Variants in SKOR1 observed in about 807,000 individuals in gnomAD.
SKOR1 encodes SKI family transcriptional corepressor 1.
Under a neutral mutation model 72.4 loss-of-function variants are expected in SKOR1, and 38 were observed. The observed-to-expected ratio is 0.52, with a 90% CI of 0.40 to 0.69. SKOR1 has a LOEUF of 0.69. Ranked by LOEUF, SKOR1 falls within the 30% of genes least tolerant of loss-of-function variation. The probability of loss-of-function intolerance (pLI) is 0.00; values close to 1 mark genes in which losing one functional copy is unlikely to be tolerated. For missense variants in SKOR1, 1,320 were observed against 1,343.2 expected (o/e 0.98, Z 0.27); for synonymous variants, 642 against 599.4 (o/e 1.07, Z -1.04).
chr15:67,832,688 C>T lies in SKOR1; in HGVS notation c.2737+7C>T, dbSNP rs764789290. On this transcript the variant is annotated splice_region_variant and intron_variant, in intron 7 of 8. Coordinates refer to ENST00000380035, the MANE Select transcript of SKOR1 (RefSeq NM_001365915.1). The surrounding 1 kb of genome is among the most constrained non-coding windows in gnomAD (Gnocchi z 4.5). ...CAGCTGCAAATTGTCAGAGGTAAGA[C>T]GGGAGTCAGGTGAGCTCGTGCACGG... The T allele has an allele frequency of 1.2e-6, 2 of 1,613,464 alleles. No homozygotes were observed. The highest frequency in any genetic ancestry group is 1.7e-6 in the Non-Finnish European group (2 of 1,179,612).
Position 67,833,139 on chromosome 15 carries a change from C to T in SKOR1, c.2738-53C>T. The T allele has an allele frequency of 6.3e-7, 1 of 1,595,408 alleles. No individual in the cohort carries two copies. The highest frequency in any genetic ancestry group is 8.6e-7 in the Non-Finnish European group (1 of 1,164,116). ...GAGGAAGCCCGGGCTGTGACCCCGG[C>T]CTTTCGGAGGGTGGTCTGCGTTTCC... On this transcript the variant is annotated intron_variant, in intron 7 of 8. Transcript: ENST00000380035. This position sits in a 1 kb window ranked among gnomAD's most constrained non-coding sequence, Gnocchi z 6.0.
At position 67,826,170 on chromosome 15, in the gene SKOR1, T is replaced by C. The variant is rs754817325; in HGVS notation, c.342T>C (p.Asn114=). The C allele has an allele frequency of 6.2e-7, 1 of 1,613,210 alleles. No homozygotes were observed. The highest frequency in any genetic ancestry group is 1.1e-5 in the South Asian group (1 of 91,028). ...SNTLLKNYSY[N]EIHNRRVALG... ...CCCTCCTCAAGAACTACAGCTATAA[T>C]GAGATCCACAACCGCCGCGTGGCCC... Residue 114 remains asparagine (N), a synonymous_variant, in exon 2 of 9, where the codon AAT becomes AAC. Coordinates refer to ENST00000380035, the MANE Select transcript of SKOR1 (RefSeq NM_001365915.1).
Position 67,833,868 on chromosome 15 carries a change from G to A in SKOR1, c.*32G>A, listed in dbSNP as rs201057372. The A allele has an allele frequency of 6.3e-7, 1 of 1,593,278 alleles. No individual in the cohort carries two copies. Among genetic ancestry groups the A allele is most frequent in the Non-Finnish European group, 8.5e-7 (1 of 1,170,472 alleles). On this transcript the variant is annotated 3_prime_UTR_variant, in exon 9 of 9. Transcript: ENST00000380035. The surrounding 1 kb of genome is among the most constrained non-coding windows in gnomAD (Gnocchi z 6.0). ...CCTGGCCGCACCCCTGCGCCCTCAA[G>A]CCATGCTGCTCCTTGTAAATACCCG...
rs2091013696 is a variant in SKOR1 at position 67,832,228 on chromosome 15, C to A, written c.2588-46C>A. 6.3e-7 allele frequency: 1 copy of A among 1,587,880 alleles called. No homozygotes were observed. The highest frequency in any genetic ancestry group is 2.2e-5 in the East Asian group (1 of 44,796). Reference sequence around the variant, plus strand: ...AAGGCAGAACCTGAGCTCCAAATAACCCTGCTTTACCTCCCACTTTACCTC... The same window carrying A: ...AAGGCAGAACCTGAGCTCCAAATAAACCTGCTTTACCTCCCACTTTACCTC... On this transcript the variant is annotated intron_variant, in intron 5 of 8. Coordinates refer to ENST00000380035, the MANE Select transcript of SKOR1 (RefSeq NM_001365915.1). This position sits in a 1 kb window ranked among gnomAD's most constrained non-coding sequence, Gnocchi z 4.5.
Position 67,833,784 on chromosome 15 carries a change from C to T in SKOR1, c.2846C>T (p.Thr949Met), listed in dbSNP as rs2091026801. The T allele has an allele frequency of 3.1e-6, 5 of 1,613,100 alleles. No individual in the cohort carries two copies. The highest frequency in any genetic ancestry group is 2.2e-5 in the South Asian group (2 of 91,096). The change falls in exon 9 of 9, where the codon ACG (threonine) becomes ATG (methionine). Residue 949 changes from threonine to methionine, a missense_variant. Physicochemically the swap from Thr to Met is moderately conservative, Grantham distance 81. Around this residue, in one of 3 missense-constraint regions of SKOR1, gnomAD observed 1,099 missense variants for 1,025.5 expected, o/e 1.07. Transcript: ENST00000380035. This position sits in a 1 kb window ranked among gnomAD's most constrained non-coding sequence, Gnocchi z 6.0. ...ALHHFSCKML[T>M]PRHCTGNCSF... ...CACCATTTCTCCTGCAAGATGCTGA[C>T]GCCCCGCCACTGCACTGGCAACTGC...
chr15:67,829,134 C>A, intron 2 of SKOR1, 45 bp from the exon 3 acceptor site: 1 of 1,486,788 alleles, frequency 6.7e-7, no homozygotes. Flanking sequence ...TTTGGGCCGC[C>A]GCAGGGCGCC....
At chr15:67,829,736 T>C (rs1169231581) in intron 3 of SKOR1, among the ~76,000 whole-genome samples, 1 of 152,128 alleles carries the variant, frequency 6.6e-6, no homozygotes, top group Non-Finnish European at 1.5e-5. Flanking sequence ...CCTTACCAGG[T>C]TCCTCACAGA....
Position 67,826,807 on chromosome 15 carries a change from C to T in SKOR1, c.979C>T (p.Arg327Cys). The T allele has an allele frequency of 6.5e-7, 1 of 1,530,496 alleles. No individual in the cohort carries two copies. Among genetic ancestry groups the T allele is most frequent in the Non-Finnish European group, 8.8e-7 (1 of 1,142,072 alleles). 94.8% of individuals were successfully genotyped at this position (1,530,496 alleles called of 1,614,324 possible). Residue 327 changes from arginine to cysteine, a missense_variant, in exon 2 of 9, where the codon CGC becomes TGC. Physicochemically the swap from Arg to Cys is radical, Grantham distance 180 (BLOSUM62 -3). Coordinates refer to ENST00000380035, the MANE Select transcript of SKOR1 (RefSeq NM_001365915.1). ...APGPPPHKSL[R>C]CGEDEAAGPP... is the part of the protein sequence containing the mutation. ...AGGCCCGCCGCCCCACAAAAGCCTG[C>T]GCTGTGGCGAAGATGAGGCTGCCGG... is the stretch of plus-strand genomic sequence containing the variant.
chr15:67,829,686 G>T (rs2090993157), intron 3 of SKOR1, among the ~76,000 whole-genome samples: 2 of 152,226 alleles, frequency 1.3e-5, no homozygotes, highest in South Asian at 4.1e-4. Flanking sequence ...GGTAGCTGAG[G>T]CCCATCGCGG....
chr15:67,830,395 C>T, intron 4 of SKOR1, 97 bp downstream of exon 4: 1 of 1,001,458 alleles, frequency 1.0e-6, no homozygotes, highest in Non-Finnish European at 1.5e-6. Context: ...GGCTTTTAAT[C>T]AAGTGTAAGC....
At chr15:67,828,197 G>T (rs993576867) in intron 2 of SKOR1, 53 bp downstream of exon 2, 33 of 1,380,050 alleles carry the variant, frequency 2.4e-5, no homozygotes, top group African/African-American at 7.7e-5. Context: ...CCCTGTGCGC[G>T]GCAGGGCTGC....
rs551965323 is a variant in SKOR1 at position 67,825,967 on chromosome 15, C to G, written c.139C>G (p.Leu47Val). ...CGGCATGGAGGCTCTCACCACTCAGCTGGGGCCGGGGCGCGAGGGCAGTTC... is the reference window on the plus strand; with the variant it reads ...CGGCATGGAGGCTCTCACCACTCAGGTGGGGCCGGGGCGCGAGGGCAGTTC... ...SGGMEALTTQ[L>V]GPGREGSSSP... Residue 47 changes from leucine to valine, a missense_variant, in exon 2 of 9, where the codon CTG becomes GTG. Around this residue, in one of 3 missense-constraint regions of SKOR1, gnomAD observed 120 missense variants for 104.9 expected, o/e 1.14. Coordinates refer to ENST00000380035, the MANE Select transcript of SKOR1 (RefSeq NM_001365915.1). The surrounding 1 kb of genome is among the most constrained non-coding windows in gnomAD (Gnocchi z 5.6). 17 of 1,526,076 alleles carry G rather than the reference C, an allele frequency of 1.1e-5. No individual in the cohort carries two copies. Among genetic ancestry groups the G allele is most frequent in the Middle Eastern group, 1.8e-4 (1 of 5,632 alleles). 94.5% of individuals were successfully genotyped at this position (1,526,076 alleles called of 1,614,324 possible). A position where few individuals can be genotyped will look rare whatever the true frequency, so the allele number is the denominator to read the frequency against.
At position 67,827,114 on chromosome 15, in the gene SKOR1, G is replaced by T. The variant is rs751857883; in HGVS notation, c.1286G>T (p.Gly429Val). The T allele has an allele frequency of 1.4e-6, 2 of 1,423,168 alleles. No individual in the cohort carries two copies. Among genetic ancestry groups the T allele is most frequent in the African/African-American group, 3.0e-5 (2 of 67,192 alleles). The allele number at this position is 1,423,168 out of a possible 1,614,324, so 88.2% of individuals were successfully genotyped here. The change falls in exon 2 of 9, where the codon GGC becomes GTC. Residue 429 changes from glycine (G) to valine (V), a missense_variant. Physicochemically the swap from Gly to Val is moderately radical, Grantham distance 109. Transcript: ENST00000380035. Reference protein sequence around the residue: ...PKGGPGTGSGGGGAGTGGGAG... With the variant: ...PKGGPGTGSGVGGAGTGGGAG... ...GGCGGTCCTGGCACTGGGAGCGGCG[G>T]CGGCGGCGCGGGGACAGGCGGGGGT...
chr15:67,826,815 C>A lies in SKOR1; in HGVS notation c.987C>A (p.Gly329=), dbSNP rs1200067725. The A allele has an allele frequency of 2.0e-6, 3 of 1,528,378 alleles. No homozygotes were observed. Among genetic ancestry groups the A allele is most frequent in the Non-Finnish European group, 2.6e-6 (3 of 1,140,752 alleles). 94.7% of individuals were successfully genotyped at this position (1,528,378 alleles called of 1,614,324 possible). ...GPPPHKSLRC[G]EDEAAGPPGP... is the part of the protein sequence containing the mutation. ...CGCCCCACAAAAGCCTGCGCTGTGG[C>A]GAAGATGAGGCTGCCGGGCCTCCGG... is the stretch of plus-strand genomic sequence containing the variant. The change falls in exon 2 of 9, where the codon GGC becomes GGA. Residue 329 remains glycine, a synonymous_variant. Coordinates refer to ENST00000380035, the MANE Select transcript of SKOR1 (RefSeq NM_001365915.1).
Position 67,825,665 on chromosome 15 carries a change from A to G in SKOR1, c.63A>G (p.Gln21=), listed in dbSNP as rs767247168. The change falls in exon 1 of 9, where the codon CAA becomes CAG. Residue 21 remains glutamine, a synonymous_variant. Transcript: ENST00000380035. This position sits in a 1 kb window ranked among gnomAD's most constrained non-coding sequence, Gnocchi z 5.6. ...GTATCTGGGTTTCACTTCCTTCCCAATCCGAAAACGGGATTGGGTTCCTTG... is the reference window on the plus strand; with the variant it reads ...GTATCTGGGTTTCACTTCCTTCCCAGTCCGAAAACGGGATTGGGTTCCTTG... The part of the protein sequence containing the change: ...TLRIWVSLPS[Q]SENGIGFLAA... 7 of 723,784 alleles carry G rather than the reference A, an allele frequency of 9.7e-6. No individual in the cohort carries two copies. In the Admixed American group the frequency reaches 1.0e-4, roughly 10 times the overall value. The allele number at this position is 723,784 out of a possible 1,614,324, so 44.8% of individuals were successfully genotyped here.
intron 2 of SKOR1, 45 bp downstream of exon 2, chr15:67,828,189 C>G (rs1365596832): frequency 7.9e-6 from 11 of 1,391,544 alleles, no homozygotes; most frequent in Non-Finnish European, 1.0e-5. Flanking sequence ...CCCACCTACC[C>G]TGTGCGCGGC....
intron 3 of SKOR1, 29 bp downstream of exon 3, chr15:67,829,298 G>A (rs1273798142): frequency 6.6e-7 from 1 of 1,510,440 alleles, no homozygotes; most frequent in Non-Finnish European, 8.9e-7. Flanking sequence ...GCTGGCCACT[G>A]TAATGGGGGA....
Position 67,827,378 on chromosome 15 carries a change from T to TGGC in SKOR1, c.1557_1559dup (p.Ala528dup). ...CAAGCCAAGGCCGTGGCGGCAGCCG[T>TGGC]GGCGGCGGCAGCGGCGGCGGCAGCG... On this transcript the variant is annotated inframe_insertion, in exon 2 of 9. Coordinates refer to ENST00000380035, the MANE Select transcript of SKOR1 (RefSeq NM_001365915.1). 1 of 1,561,272 alleles carries TGGC rather than the reference T, an allele frequency of 6.4e-7. No individual in the cohort carries two copies. The highest frequency in any genetic ancestry group is 1.4e-5 in the African/African-American group (1 of 71,292).
chr15:67,828,234 G>T, intron 2 of SKOR1, 90 bp downstream of exon 2: 1 of 1,359,136 alleles, frequency 7.4e-7, no homozygotes, highest in East Asian at 3.0e-5. Context: ...CGGGAATTTT[G>T]TTCCGCGCAG....
Sources: gnomAD v4.1 joint callset for allele counts (sites outside exome capture counted in the v4.1 genomes callset) on GRCh38, gnomAD v4.1.1 for gene constraint, gnomAD v4.1.1 regional missense constraint, Gnocchi (gnomAD v3.1) non-coding constraint, MANE v1.5 for transcripts, NCBI Gene and HGNC (gene_info 2026-07-23, HGNC 2026-07-21) for gene names.